Variants in ITSN2 observed in about 807,000 individuals in gnomAD.
ITSN2 encodes the protein intersectin-2.
Under a neutral mutation model 243.7 loss-of-function variants are expected in ITSN2, and 156 were observed. The observed-to-expected ratio is 0.64, with a 90% CI of 0.56 to 0.73. The LOEUF is 0.73. Ranked by LOEUF, ITSN2 falls within the 30% of genes least tolerant of loss-of-function variation. ITSN2 has a pLI of 0.00. For missense variants in ITSN2, 1,801 were observed against 1,996.1 expected (o/e 0.90, Z 1.86); for synonymous variants, 703 against 699.9 (o/e 1.00, Z -0.07).
intron 35 of ITSN2, 91 bp downstream of exon 35, chr2:24,209,727 A>G: frequency 9.8e-7 from 1 of 1,019,906 alleles, no homozygotes; most frequent in East Asian, 2.4e-5. Flanking sequence ...AGGGTCCCGT[A>G]AGGCCAGCTC....
chr2:24,274,176 A>G (rs1187594495), intron 18 of ITSN2, among the ~76,000 whole-genome samples: 7 of 152,208 alleles, frequency 4.6e-5, no homozygotes, highest in Non-Finnish European at 1.0e-4. Context: ...TAAGTGGTAC[A>G]AGTTAAGCAG....
chr2:24,308,894 T>C (rs1265292012), intron 7 of ITSN2, 138 bp from the exon 8 acceptor site: 1 of 632,558 alleles, frequency 1.6e-6, no homozygotes, highest in Non-Finnish European at 2.9e-6. Flanking sequence ...GGAACCGGGC[T>C]GGACAGCGGG....
rs200718095 is a variant in ITSN2, at chr2:24,302,185, TTTTATTTA to T, written c.858-91_858-84del. Reference sequence around the variant, plus strand: ...CTTAAAAGTTCAATTTTTATTTTACTTTTATTTATTTATTTATTTATTTATTTATTTGA... The same window carrying T: ...CTTAAAAGTTCAATTTTTATTTTACTTTTATTTATTTATTTATTTATTTGA... On this transcript the variant is annotated intron_variant, in intron 9 of 39. Transcript: ENST00000355123. 317 of 774,542 alleles carry T rather than the reference TTTTATTTA, an allele frequency of 4.1e-4. 7 individuals carry two copies. The highest frequency in any genetic ancestry group is 5.1e-4 in the Non-Finnish European group (272 of 530,282). The allele number at this position is 774,542 out of a possible 1,614,324, so 48.0% of individuals were successfully genotyped here.
intron 22 of ITSN2, among the ~76,000 whole-genome samples, chr2:24,258,743 AT>A (rs1440553690): frequency 6.6e-6 from 1 of 151,938 alleles, no homozygotes; most frequent in Non-Finnish European, 1.5e-5. Flanking sequence ...TTTTTTTCCA[AT>A]TTCACTCCTT....
chr2:24,232,163 G>GAA (rs1366686629), intron 29 of ITSN2, among the ~76,000 whole-genome samples: 1 of 152,034 alleles, frequency 6.6e-6, no homozygotes, highest in Non-Finnish European at 1.5e-5. Flanking sequence ...TCTTTTTGAG[G>GAA]CCTGTCAAGT....
chr2:24,222,531 G>A (rs1437296195), intron 29 of ITSN2, among the ~76,000 whole-genome samples: 1 of 151,900 alleles, frequency 6.6e-6, no homozygotes, highest in African/African-American at 2.4e-5. Context: ...TGATTCTCAC[G>A]GCCAAGGATA....
At chr2:24,330,518 C>G (rs975485349) in intron 1 of ITSN2, 1 of 720,456 alleles carries the variant, frequency 1.4e-6, no homozygotes, top group African/African-American at 1.7e-5. Context: ...CGCCAGAGCC[C>G]AAGCCTGAAA....
At chr2:24,349,309 C>T (rs1687831333) in intron 1 of ITSN2, among the ~76,000 whole-genome samples, 1 of 152,140 alleles carries the variant, frequency 6.6e-6, no homozygotes, top group Non-Finnish European at 1.5e-5. Context: ...CTAACCAAAG[C>T]AAGGTCTCAC....
intron 2 of ITSN2, among the ~76,000 whole-genome samples, chr2:24,317,152 G>A (rs374781200): frequency 5.9e-5 from 9 of 152,272 alleles, no homozygotes; most frequent in African/African-American, 2.2e-4. Flanking sequence ...AGGCCGAGGC[G>A]GGCGGATCAC....
At chr2:24,224,051 G>T (rs1194773578) in intron 29 of ITSN2, among the ~76,000 whole-genome samples, 1 of 65,822 alleles carries the variant, frequency 1.5e-5, no homozygotes, top group South Asian at 6.3e-4. Context: ...TCTGCTTGAC[G>T]AGGCTTTTGT....
chr2:24,259,854 A>G (rs565892835), intron 22 of ITSN2, among the ~76,000 whole-genome samples: 1 of 152,168 alleles, frequency 6.6e-6, no homozygotes, highest in Non-Finnish European at 1.5e-5. Flanking sequence ...AGCATTTCTC[A>G]TGCTTTACAG....
At chr2:24,235,910 G>A (rs1273786940) in intron 29 of ITSN2, among the ~76,000 whole-genome samples, 1 of 152,118 alleles carries the variant, frequency 6.6e-6, no homozygotes, top group Non-Finnish European at 1.5e-5. Context: ...CACTGCTGGC[G>A]GAAATAGAAA....
chr2:24,284,046 A>T (rs1335784007), intron 17 of ITSN2, among the ~76,000 whole-genome samples: 1 of 152,222 alleles, frequency 6.6e-6, no homozygotes, highest in East Asian at 1.9e-4. Context: ...ATATATATGC[A>T]TATAGGCAAC....
intron 20 of ITSN2, among the ~76,000 whole-genome samples, chr2:24,266,836 T>C (rs116779537): frequency 0.012 from 1,783 of 150,554 alleles, 16 homozygotes; most frequent in Middle Eastern, 0.036. Context: ...ACTCAAGAGG[T>C]TGAGGTGGGA....
chr2:24,265,710 G>C (rs937219525), intron 20 of ITSN2, among the ~76,000 whole-genome samples: 2 of 152,134 alleles, frequency 1.3e-5, no homozygotes, highest in Admixed American at 6.5e-5. Context: ...CAGTTTCTTT[G>C]TCAGGTTTCA....
chr2:24,252,562 A>C (rs1476791064), intron 24 of ITSN2, 51 bp from the exon 25 acceptor site: 2 of 1,374,114 alleles, frequency 1.5e-6, no homozygotes, highest in African/African-American at 2.9e-5. Flanking sequence ...AGATTACAGA[A>C]GTGAAAAAGA....
intron 2 of ITSN2, among the ~76,000 whole-genome samples, chr2:24,327,436 T>A (rs1685278906): frequency 6.6e-6 from 1 of 151,962 alleles, no homozygotes. Flanking sequence ...GCAGCTGGGA[T>A]TACAGGTGCC....
At chr2:24,278,735 TC>T (rs1200642631) in intron 17 of ITSN2, among the ~76,000 whole-genome samples, 1 of 134,966 alleles carries the variant, frequency 7.4e-6, no homozygotes, top group African/African-American at 2.8e-5. Flanking sequence ...CACTGCAACC[TC>T]CGCCTCCCGG....
intron 3 of ITSN2, 110 bp downstream of exon 3, chr2:24,315,022 T>C (rs1683736409): frequency 2.1e-6 from 1 of 473,440 alleles, no homozygotes; most frequent in Non-Finnish European, 3.8e-6. Flanking sequence ...CTGATTGATA[T>C]GAATTTTATC....
Sources: allele counts gnomAD v4.1 joint callset (sites outside exome capture counted in the v4.1 genomes callset), GRCh38; gene constraint gnomAD v4.1.1; transcripts MANE v1.5; gene names NCBI Gene and HGNC (gene_info 2026-07-23, HGNC 2026-07-21).